The following OSBPL1A variants were observed in gnomAD, a reference collection of about 807,000 sequenced individuals.
OSBPL1A encodes oxysterol-binding protein-related protein 1.
Under a neutral mutation model 137.1 loss-of-function variants are expected in OSBPL1A, and 80 were observed. The ratio of observed to expected loss-of-function variants is 0.58; its 90% confidence interval spans 0.49 to 0.70. The LOEUF (loss-of-function observed/expected upper bound fraction) is 0.70, where lower values mean the gene tolerates loss of function less well. Among genes scored for constraint, OSBPL1A ranks in the 30% least tolerant of loss-of-function variants. OSBPL1A has a pLI of 0.00. For missense variants in OSBPL1A, 970 were observed against 1,129.4 expected, an observed-to-expected ratio of 0.86 and a Z score of 2.02; for synonymous variants, 365 against 389.7, an observed-to-expected ratio of 0.94 and a Z score of 0.75.
chr18:24,170,568 C>T (rs2086253103), intron 23 of OSBPL1A, 115 bp from the exon 24 acceptor site: 1 of 1,165,276 alleles, frequency 8.6e-7, no homozygotes, highest in Non-Finnish European at 1.2e-6. Context: ...CCTGACCCTG[C>T]TTAGCTTCCA....
intron 15 of OSBPL1A, among the ~76,000 whole-genome samples, chr18:24,262,730 C>T (rs1230680153): frequency 7.2e-6 from 1 of 139,456 alleles, no homozygotes; most frequent in Non-Finnish European, 1.5e-5. Context: ...TCTCATGTGC[C>T]CCTTTCACGG....
intron 16 of OSBPL1A, among the ~76,000 whole-genome samples, chr18:24,232,865 T>C (rs2145998486): frequency 6.6e-6 from 1 of 152,352 alleles, no homozygotes; most frequent in Non-Finnish European, 1.5e-5. Flanking sequence ...ATTTAAAAGA[T>C]GTACTCTTAC....
intron 17 of OSBPL1A, among the ~76,000 whole-genome samples, chr18:24,220,616 G>C (rs1489190908): frequency 1.3e-5 from 2 of 152,030 alleles, no homozygotes; most frequent in Non-Finnish European, 2.9e-5. Flanking sequence ...GAAAATCAAA[G>C]GTGTAGCTTA....
intron 16 of OSBPL1A, among the ~76,000 whole-genome samples, chr18:24,235,053 C>G (rs1033922459): frequency 2.0e-5 from 3 of 152,060 alleles, no homozygotes; most frequent in African/African-American, 7.2e-5. Flanking sequence ...ATGTCGAGAG[C>G]CTTGAAGGTC....
chr18:24,345,938 G>A (rs552317668), intron 4 of OSBPL1A, among the ~76,000 whole-genome samples: 1 of 152,206 alleles, frequency 6.6e-6, no homozygotes, highest in South Asian at 2.1e-4. Context: ...AATGCTATTT[G>A]TTTTTGAATA....
rs969657166 is a variant in OSBPL1A, at chr18:24,318,917, C to A, written c.626-108G>T. On this transcript the variant is annotated intron_variant, in intron 7 of 27. Transcript: ENST00000319481. ...TCCTTCATTTTTCTATTGCCTATAT[C>A]TTTTTCTTTCCCCAGAAAATTACCT... The A allele has an allele frequency of 1.2e-5, 11 of 940,310 alleles. No homozygotes were observed. The African/African-American group carries it at 1.8e-4, about 16-fold the overall frequency. The allele number at this position is 940,310 out of a possible 1,614,324, so 58.2% of individuals were successfully genotyped here.
At chr18:24,181,410 G>T in intron 18 of OSBPL1A, 131 bp from the exon 19 acceptor site, 1 of 1,007,282 alleles carries the variant, frequency 9.9e-7, no homozygotes, top group Non-Finnish European at 1.4e-6. Context: ...CATCAATATT[G>T]GTTCAATTTC....
intron 13 of OSBPL1A, among the ~76,000 whole-genome samples, chr18:24,309,939 C>G (rs144400307): frequency 0.034 from 5,063 of 150,832 alleles, 123 homozygotes; most frequent in Non-Finnish European, 0.051. Context: ...CCCAGCTACT[C>G]AGGAGGCTGA....
chr18:24,318,569 A>G (rs750015365), intron 9 of OSBPL1A, 32 bp downstream of exon 9: 1 of 1,551,012 alleles, frequency 6.4e-7, no homozygotes, highest in Non-Finnish European at 8.8e-7. Flanking sequence ...TATTCTTTAC[A>G]GTTATATAAT....
At chr18:24,247,327 C>T (rs546474389) in intron 15 of OSBPL1A, among the ~76,000 whole-genome samples, 3 of 152,120 alleles carry the variant, frequency 2.0e-5, no homozygotes, top group Non-Finnish European at 1.5e-5. Flanking sequence ...ACTGTACTGG[C>T]GATGTGAAGG....
chr18:24,243,951 G>A (rs1483924561), intron 15 of OSBPL1A, among the ~76,000 whole-genome samples: 1 of 152,242 alleles, frequency 6.6e-6, no homozygotes. Flanking sequence ...GCATGCTTAA[G>A]TGCCATTAGT....
At chr18:24,169,238 T>C (rs573861076) in intron 24 of OSBPL1A, among the ~76,000 whole-genome samples, 1 of 152,364 alleles carries the variant, frequency 6.6e-6, no homozygotes, top group East Asian at 1.9e-4. Context: ...CTTTTCACTT[T>C]GGGAGCAAGG....
At chr18:24,180,234 C>T (rs2086564675) in intron 19 of OSBPL1A, among the ~76,000 whole-genome samples, 1 of 152,132 alleles carries the variant, frequency 6.6e-6, no homozygotes, top group South Asian at 2.1e-4. Context: ...TTGGAAAATG[C>T]TGACTTATAT....
intron 4 of OSBPL1A, among the ~76,000 whole-genome samples, chr18:24,342,537 T>G (rs1181502709): frequency 6.6e-6 from 1 of 152,192 alleles, no homozygotes; most frequent in Non-Finnish European, 1.5e-5. Context: ...TGAAGTGATA[T>G]CCTGTGTTGC....
intron 7 of OSBPL1A, among the ~76,000 whole-genome samples, chr18:24,328,286 T>A (rs2091017063): frequency 7.3e-6 from 1 of 136,752 alleles, no homozygotes; most frequent in African/African-American, 2.7e-5. Context: ...GGTCTCAATC[T>A]CCTGACCTCA....
intron 15 of OSBPL1A, among the ~76,000 whole-genome samples, chr18:24,244,386 T>C (rs976617006): frequency 1.3e-5 from 2 of 152,352 alleles, no homozygotes; most frequent in East Asian, 1.9e-4. Flanking sequence ...ATTATAATTG[T>C]ATATGTGTTT....
At chr18:24,243,216 T>C (rs984491132) in intron 15 of OSBPL1A, among the ~76,000 whole-genome samples, 19 of 152,222 alleles carry the variant, frequency 1.2e-4, no homozygotes, top group African/African-American at 4.3e-4. Context: ...ACAGGCGAGA[T>C]TCTGTCTCAA....
intron 18 of OSBPL1A, among the ~76,000 whole-genome samples, chr18:24,187,730 T>C (rs1168336352): frequency 1.3e-5 from 2 of 152,216 alleles, no homozygotes; most frequent in Admixed American, 1.3e-4. Context: ...GCTGGGATAC[T>C]TTGCCCTGAC....
intron 16 of OSBPL1A, among the ~76,000 whole-genome samples, chr18:24,236,953 A>G (rs2088500485): frequency 6.6e-6 from 1 of 152,188 alleles, no homozygotes; most frequent in African/African-American, 2.4e-5. Context: ...TGACATAATT[A>G]TATCATGGAC....
Sources: gnomAD v4.1 joint callset for allele counts (sites outside exome capture counted in the v4.1 genomes callset) on GRCh38, gnomAD v4.1.1 for gene constraint, MANE v1.5 for transcripts, NCBI Gene and HGNC (gene_info 2026-07-23, HGNC 2026-07-21) for gene names.